The following CXXC5 variants were observed in gnomAD, a reference collection of about 807,000 sequenced individuals.
CXXC5 encodes the protein CXXC finger protein 5.
In CXXC5, 2 loss-of-function variants were observed where a neutral mutation model predicts 17.6. That is an observed-to-expected ratio of 0.11 (90% CI 0.05 to 0.36). The LOEUF (loss-of-function observed/expected upper bound fraction) is 0.36. Among genes scored for constraint, CXXC5 ranks in the 10% least tolerant of loss-of-function variants. The pLI, the probability that CXXC5 is intolerant of heterozygous loss-of-function variation, is 1.00. For synonymous variants in CXXC5, 171 were observed against 193.0 expected (o/e 0.89, Z 0.94); for missense variants, 343 against 458.3 (o/e 0.75, Z 2.30).
In CXXC5 at chr5:139,663,124, G is replaced by T. The variant is rs1176757399; in HGVS notation, c.-161+14279G>T. Among the ~76,000 whole-genome samples, 1 of 152,014 alleles carries T rather than the reference G, an allele frequency of 6.6e-6. No homozygotes were observed. The highest frequency in any genetic ancestry group is 1.5e-5 in the Non-Finnish European group (1 of 68,006). On this transcript the variant is annotated intron_variant, in intron 1 of 2. Coordinates refer to ENST00000302517, the MANE Select transcript of CXXC5 (RefSeq NM_016463.9). This position sits in a 1 kb window ranked among gnomAD's most constrained non-coding sequence, Gnocchi z 4.2. The stretch of plus-strand genomic sequence containing the variant: ...GAAGAGGCTGAGCTGGGGGCCAGGG[G>T]TTGGGGGAGGGATGGGAATGGGTTG...
chr5:139,674,514 A>G (rs1182523115), intron 1 of CXXC5, among the ~76,000 whole-genome samples: 1 of 152,146 alleles, frequency 6.6e-6, no homozygotes, highest in Non-Finnish European at 1.5e-5. Flanking sequence ...AGCCTCTTCC[A>G]CGAGCCTCCC....
At position 139,681,049 on chromosome 5, in the gene CXXC5, G is replaced by A. The variant is rs1488061036; in HGVS notation, c.526G>A (p.Val176Met). ...AQSTEMLKRV[V>M]QEHLPLMSEA... Reference sequence around the variant, plus strand: ...GTCCACAGAGATGCTGAAGCGCGTGGTGCAGGAGCATCTCCCGCTGATGAG... The same window carrying A: ...GTCCACAGAGATGCTGAAGCGCGTGATGCAGGAGCATCTCCCGCTGATGAG... Residue 176 changes from valine (V) to methionine (M), a missense_variant, in exon 2 of 3, where the codon GTG becomes ATG. Val to Met is a conservative substitution (Grantham distance 21, BLOSUM62 1). Coordinates refer to ENST00000302517, the MANE Select transcript of CXXC5 (RefSeq NM_016463.9). 3 of 1,611,284 alleles carry A rather than the reference G, an allele frequency of 1.9e-6. No homozygotes were observed. The highest frequency in any genetic ancestry group is 1.7e-5 in the Admixed American group (1 of 60,020).
At position 139,670,986 on chromosome 5, in the gene CXXC5, G is replaced by A. The variant is rs370498121; in HGVS notation, c.-160-9378G>A. ...TCCAGCCCCCTGAGCCCGCTCCCAG[G>A]TGCCCAGCATCCTTGGGTAGTTATG... On this transcript the variant is annotated intron_variant, in intron 1 of 2. Coordinates refer to ENST00000302517, the MANE Select transcript of CXXC5 (RefSeq NM_016463.9). This position sits in a 1 kb window ranked among gnomAD's most constrained non-coding sequence, Gnocchi z 4.2. Among the ~76,000 whole-genome samples the A allele has an allele frequency of 2.7e-4, 41 of 152,270 alleles. No homozygotes were observed. Among genetic ancestry groups the A allele is most frequent in the African/African-American group, 8.2e-4 (34 of 41,546 alleles).
intron 1 of CXXC5, among the ~76,000 whole-genome samples, chr5:139,656,796 C>T (rs1755519301): frequency 6.6e-6 from 1 of 152,324 alleles, no homozygotes; most frequent in East Asian, 1.9e-4. Flanking sequence ...GCCATCTTGA[C>T]TCACTGCAAC....
At chr5:139,655,267 G>A (rs926340117) in intron 1 of CXXC5, among the ~76,000 whole-genome samples, 1 of 152,116 alleles carries the variant, frequency 6.6e-6, no homozygotes, top group Non-Finnish European at 1.5e-5. Flanking sequence ...GGAGAGACAG[G>A]CCAGAGGTGG....
intron 1 of CXXC5, among the ~76,000 whole-genome samples, chr5:139,660,276 G>A (rs1437377202): frequency 6.6e-6 from 1 of 152,232 alleles, no homozygotes; most frequent in Non-Finnish European, 1.5e-5. Context: ...TGTGGAGCCA[G>A]GCAGGAATCC....
rs1176265189 is a variant in CXXC5, at chr5:139,681,279, C to T, written c.756C>T (p.Ala252=). Residue 252 remains alanine, a synonymous_variant, in exon 2 of 3, where the codon GCC becomes GCT. Transcript: ENST00000302517. ...CCATGCAGGGAGAGCTGGCCTCTGC[C>T]ATCAGCTCCGGCAAGAAGAAGCGGA... ...EYPMQGELAS[A]ISSGKKKRKR... 1 of 1,612,712 alleles carries T rather than the reference C, an allele frequency of 6.2e-7. No individual in the cohort carries two copies.
In CXXC5 at chr5:139,682,908, C is replaced by G; in HGVS notation, c.*1C>G. On this transcript the variant is annotated 3_prime_UTR_variant, in exon 3 of 3. Coordinates refer to ENST00000302517, the MANE Select transcript of CXXC5 (RefSeq NM_016463.9). ...AGCCGCCTTCCGGTGGTTTCAGTGA[C>G]GGCGGCGGAACCCAAAGCTGCCCTC... is the stretch of plus-strand genomic sequence containing the variant. The G allele has an allele frequency of 6.3e-7, 1 of 1,591,354 alleles. No homozygotes were observed. Among genetic ancestry groups the G allele is most frequent in the Non-Finnish European group, 8.6e-7 (1 of 1,167,958 alleles).
rs1433027544 is a variant in CXXC5 at position 139,658,569 on chromosome 5, C to T, written c.-161+9724C>T. On this transcript the variant is annotated intron_variant, in intron 1 of 2. Transcript: ENST00000302517. This position sits in a 1 kb window ranked among gnomAD's most constrained non-coding sequence, Gnocchi z 4.1. ...GGCCCAGTCAGGCAGTGGGGGGATG[C>T]GGCTGGCCCACAGGCACAGGAGGGG... Among the ~76,000 whole-genome samples the T allele has an allele frequency of 6.6e-6, 1 of 152,200 alleles. No individual in the cohort carries two copies. Among genetic ancestry groups the T allele is most frequent in the Non-Finnish European group, 1.5e-5 (1 of 68,028 alleles).
rs979137180 is a variant in CXXC5, at chr5:139,648,601, T to C, written c.-405T>C. 2 of 151,188 alleles carry C rather than the reference T, an allele frequency of 1.3e-5. No homozygotes were observed. The highest frequency in any genetic ancestry group is 2.4e-5 in the African/African-American group (1 of 41,212). 9.4% of individuals were successfully genotyped at this position (151,188 alleles called of 1,614,324 possible). A position where few individuals can be genotyped will look rare whatever the true frequency, so the allele number is the denominator to read the frequency against. On this transcript the variant is annotated 5_prime_UTR_variant, in exon 1 of 3. Coordinates refer to ENST00000302517, the MANE Select transcript of CXXC5 (RefSeq NM_016463.9). ...AGCTCGGGGGTGATTAGTTGCTTTT[T>C]GTTGTTTTTTAATTTGGGCCGCGGG...
chr5:139,664,561 G>A (rs1755994295), intron 1 of CXXC5, among the ~76,000 whole-genome samples: 2 of 152,158 alleles, frequency 1.3e-5, no homozygotes, highest in South Asian at 4.1e-4. Context: ...GCTAGTCCCA[G>A]CCTCAGATCA....
rs1003825201 is a variant in CXXC5 at position 139,683,816 on chromosome 5, C to T, written c.*909C>T. 3 of 152,514 alleles carry T rather than the reference C, an allele frequency of 2.0e-5. No homozygotes were observed. The highest frequency in any genetic ancestry group is 7.2e-5 in the African/African-American group (3 of 41,440). The allele number at this position is 152,514 out of a possible 1,614,324, so 9.4% of individuals were successfully genotyped here. On this transcript the variant is annotated 3_prime_UTR_variant, in exon 3 of 3. Transcript: ENST00000302517. ...GGCCAGCTTCCTGCTGATGAACATG[C>T]TGTTTGTATTGTTTTAGGAAACCAG...
intron 1 of CXXC5, chr5:139,649,709 CA>C (rs1755064156): frequency 6.6e-6 from 1 of 152,414 alleles, no homozygotes; most frequent in Non-Finnish European, 1.5e-5. Flanking sequence ...ACGCAGCGTG[CA>C]GAGCCTGGGA....
intron 1 of CXXC5, among the ~76,000 whole-genome samples, chr5:139,655,855 G>A (rs1467604213): frequency 6.6e-6 from 1 of 152,124 alleles, no homozygotes; most frequent in South Asian, 2.1e-4. Context: ...TGGCTGCTGC[G>A]CTCTGCTTAG....
At chr5:139,653,400 A>G (rs191956489) in intron 1 of CXXC5, among the ~76,000 whole-genome samples, 7 of 152,286 alleles carry the variant, frequency 4.6e-5, no homozygotes, top group African/African-American at 1.7e-4. Context: ...GCCTGCCCCT[A>G]TGCAGGTGAA....
rs1757220309 is a variant in CXXC5 at position 139,681,316 on chromosome 5, A to T, written c.793A>T (p.Met265Leu). ...CAAGAAGAAGCGGAAACGCTGCGGC[A>T]TGTGCGCGCCCTGCCGGCGGCGCAT... ...SGKKKRKRCG[M>L]CAPCRRRINC... is the part of the protein sequence containing the mutation. The change falls in exon 2 of 3, where the codon ATG becomes TTG. Residue 265 changes from methionine to leucine, a missense_variant. Physicochemically the swap from Met to Leu is conservative, Grantham distance 15. Transcript: ENST00000302517. 1 of 1,612,750 alleles carries T rather than the reference A, an allele frequency of 6.2e-7. No individual in the cohort carries two copies. The highest frequency in any genetic ancestry group is 1.3e-5 in the African/African-American group (1 of 74,960).
rs1755630652 is a variant in CXXC5, at chr5:139,658,923, A to T, written c.-161+10078A>T. On this transcript the variant is annotated intron_variant, in intron 1 of 2. Transcript: ENST00000302517. This position sits in a 1 kb window ranked among gnomAD's most constrained non-coding sequence, Gnocchi z 4.1. ...GCGTTTGAACCCAGAACACTGAGAG[A>T]TTCTGTTTGGAGTCATCCTAATGCC... Among the ~76,000 whole-genome samples the T allele has an allele frequency of 6.6e-6, 1 of 152,180 alleles. No homozygotes were observed. The highest frequency in any genetic ancestry group is 1.5e-5 in the Non-Finnish European group (1 of 68,034).
chr5:139,673,615 G>A (rs1756602906), intron 1 of CXXC5, among the ~76,000 whole-genome samples: 1 of 152,184 alleles, frequency 6.6e-6, no homozygotes, highest in Non-Finnish European at 1.5e-5. Flanking sequence ...GCTGAGGTGG[G>A]TGGATCACCT....
In CXXC5 at chr5:139,681,360, C is replaced by T. The variant is rs749795641; in HGVS notation, c.837C>T (p.Ser279=). ...GGCGCATCAACTGCGAGCAGTGCAG[C>T]AGTTGTAGGAATCGAAAGACTGGCC... The part of the protein sequence containing the change: ...CRRRINCEQC[S]SCRNRKTGHQ... Residue 279 remains serine, a synonymous_variant, in exon 2 of 3, where the codon AGC becomes AGT. Transcript: ENST00000302517. The T allele has an allele frequency of 2.5e-6, 4 of 1,600,674 alleles. No homozygotes were observed. The highest frequency in any genetic ancestry group is 2.6e-6 in the Non-Finnish European group (3 of 1,172,810).
Sources: allele counts gnomAD v4.1 joint callset (sites outside exome capture counted in the v4.1 genomes callset), GRCh38; gene constraint gnomAD v4.1.1; non-coding constraint Gnocchi (gnomAD v3.1); transcripts MANE v1.5; gene names NCBI Gene and HGNC (gene_info 2026-07-23, HGNC 2026-07-21).